The following ADAMTSL1 variants were observed in gnomAD, a reference collection of about 807,000 sequenced individuals.
ADAMTSL1 encodes the protein ADAMTS-like protein 1.
ADAMTSL1 carries 126 observed loss-of-function variants against 201.8 expected under a neutral mutation model. The observed-to-expected ratio is 0.62, with a 90% confidence interval of 0.54 to 0.72. The LOEUF is 0.72. ADAMTSL1 is among the 30% of genes least tolerant of loss of function. ADAMTSL1 has a pLI of 0.00. For missense variants in ADAMTSL1, 2,679 were observed against 2,277.8 expected, an observed-to-expected ratio of 1.18 and a Z score of -3.59; for synonymous variants, 1,121 against 903.4, an observed-to-expected ratio of 1.24 and a Z score of -4.32.
chr9:18,007,595 G>C (rs1421457833), intron 1 of ADAMTSL1, among the ~76,000 whole-genome samples: 1 of 151,952 alleles, frequency 6.6e-6, no homozygotes, highest in Non-Finnish European at 1.5e-5. Context: ...GATTAGATAA[G>C]CCCCAGAGTG....
chr9:18,415,538 A>T (rs1361851930), intron 2 of ADAMTSL1, among the ~76,000 whole-genome samples: 3 of 152,160 alleles, frequency 2.0e-5, no homozygotes, highest in African/African-American at 7.2e-5. Flanking sequence ...AAAAAGACAA[A>T]GTATCAGTCA....
chr9:18,321,811 C>T (rs1834634448), intron 2 of ADAMTSL1, among the ~76,000 whole-genome samples: 1 of 151,764 alleles, frequency 6.6e-6, no homozygotes, highest in Non-Finnish European at 1.5e-5. Context: ...CAAAACAAAA[C>T]AAAACAAAAA....
chr9:18,818,624 T>C (rs566043534), intron 21 of ADAMTSL1, among the ~76,000 whole-genome samples: 69 of 152,090 alleles, frequency 4.5e-4, no homozygotes, highest in Middle Eastern at 3.4e-3. Context: ...AAACCTTGTC[T>C]CTACAAAAAA....
rs1039067152 is a variant in ADAMTSL1 at position 18,209,917 on chromosome 9, T to G, written c.207+45936T>G. ...TGTGTCAGATTATCTAGGCTGAGGA[T>G]CTCAACAATAGATGTGCCTTGCCAG... On this transcript the variant is annotated intron_variant, in intron 2 of 29. Coordinates refer to the ADAMTSL1 transcript ENST00000680146. 4.6e-5 allele frequency among the ~76,000 whole-genome samples: 7 copies of G among 152,252 alleles called. No homozygotes were observed. The South Asian group carries it at 1.5e-3, about 32-fold the overall frequency.
intron 2 of ADAMTSL1, among the ~76,000 whole-genome samples, chr9:18,453,833 T>G (rs1040272404): frequency 6.6e-6 from 1 of 152,190 alleles, no homozygotes; most frequent in Non-Finnish European, 1.5e-5. Context: ...CTCTGTGCTA[T>G]TAGAAGCAGA....
intron 3 of ADAMTSL1, among the ~76,000 whole-genome samples, chr9:18,551,077 G>C (rs1022813815): frequency 1.2e-4 from 18 of 151,978 alleles, no homozygotes; most frequent in East Asian, 3.9e-4. Context: ...TAGGAAAAGA[G>C]AGAAAAGAAT....
intron 2 of ADAMTSL1, among the ~76,000 whole-genome samples, chr9:18,524,348 A>G (rs1818897386): frequency 6.6e-6 from 1 of 152,174 alleles, no homozygotes; most frequent in Non-Finnish European, 1.5e-5. Flanking sequence ...GGGCTGAGAC[A>G]GTGGGGTTTT....
At chr9:18,579,231 A>G (rs1406083176) in intron 4 of ADAMTSL1, among the ~76,000 whole-genome samples, 1 of 150,554 alleles carries the variant, frequency 6.6e-6, no homozygotes, top group Non-Finnish European at 1.5e-5. Flanking sequence ...CATTCTCAGT[A>G]AACTATCGCA....
intron 2 of ADAMTSL1, among the ~76,000 whole-genome samples, chr9:18,200,534 A>G (rs1364657847): frequency 1.3e-5 from 2 of 152,032 alleles, no homozygotes; most frequent in African/African-American, 2.4e-5. Context: ...CTTAGTCTAT[A>G]CTATCATTTA....
chr9:18,888,660 G>A (rs1829052770), intron 24 of ADAMTSL1, among the ~76,000 whole-genome samples: 3 of 152,318 alleles, frequency 2.0e-5, no homozygotes, highest in African/African-American at 7.2e-5. Flanking sequence ...CAATCAGTGG[G>A]AAAGAGGGAA....
rs1414855348 is a variant in ADAMTSL1 at position 18,186,868 on chromosome 9, AACAC to A, written c.207+22893_207+22896del. ...ACACACACACACACACACATGCACAAACACACACAAACGTGAACATATATATTAT... is the reference window on the plus strand; with the variant it reads ...ACACACACACACACACACATGCACAAACACAAACGTGAACATATATATTAT... On this transcript the variant is annotated intron_variant, in intron 2 of 29. Transcript: ENST00000680146. Among the ~76,000 whole-genome samples, 12 of 151,040 alleles carry A rather than the reference AACAC, an allele frequency of 7.9e-5. No homozygotes were observed. In the South Asian group the frequency reaches 2.5e-3, roughly 32 times the overall value.
At position 18,340,914 on chromosome 9, in the gene ADAMTSL1, C is replaced by T. The variant is rs553444999; in HGVS notation, c.208-163915C>T. On this transcript the variant is annotated intron_variant, in intron 2 of 29. Coordinates refer to the ADAMTSL1 transcript ENST00000680146. ...CATGAGAACAGACTAATACAGTCTA[C>T]TTACCTGTCTCTAAAATCTGTTTAT... Among the ~76,000 whole-genome samples the T allele has an allele frequency of 4.7e-4, 71 of 152,210 alleles. No homozygotes were observed. In the South Asian group the frequency reaches 0.013, roughly 29 times the overall value.
intron 4 of ADAMTSL1, among the ~76,000 whole-genome samples, chr9:18,616,232 C>T (rs544832540): frequency 2.4e-4 from 36 of 152,290 alleles, no homozygotes; most frequent in African/African-American, 8.7e-4. Context: ...GCCATACTGG[C>T]CAGGCTGGTC....
At chr9:18,243,101 A>C (rs1831130686) in intron 2 of ADAMTSL1, among the ~76,000 whole-genome samples, 1 of 152,160 alleles carries the variant, frequency 6.6e-6, no homozygotes, top group African/African-American at 2.4e-5. Context: ...AGCTGTAGTA[A>C]TCAAAACAGT....
chr9:17,922,289 GGATTA>G (rs907208009), intron 1 of ADAMTSL1, among the ~76,000 whole-genome samples: 1 of 152,082 alleles, frequency 6.6e-6, no homozygotes, highest in African/African-American at 2.4e-5. Flanking sequence ...CATGACCATA[GGATTA>G]TAAGGCTGGA....
intron 1 of ADAMTSL1, among the ~76,000 whole-genome samples, chr9:18,052,087 A>C (rs1234490951): frequency 6.6e-6 from 1 of 152,376 alleles, no homozygotes; most frequent in Admixed American, 6.5e-5. Context: ...GGCAGAGTGC[A>C]AGTGCAGAAG....
At chr9:18,223,211 T>C (rs918261556) in intron 2 of ADAMTSL1, among the ~76,000 whole-genome samples, 25 of 152,116 alleles carry the variant, frequency 1.6e-4, no homozygotes, top group African/African-American at 4.8e-4. Context: ...AAATCTGAAA[T>C]TTTTTGAGCA....
chr9:17,985,993 A>G (rs887452575), intron 1 of ADAMTSL1, among the ~76,000 whole-genome samples: 1 of 152,136 alleles, frequency 6.6e-6, no homozygotes, highest in African/African-American at 2.4e-5. Flanking sequence ...TCAAGAAACA[A>G]CAAATGGTTT....
intron 23 of ADAMTSL1, among the ~76,000 whole-genome samples, chr9:18,861,705 T>C (rs904136114): frequency 6.6e-6 from 1 of 152,198 alleles, no homozygotes; most frequent in African/African-American, 2.4e-5. Context: ...GACCTATCTA[T>C]TTATGGGTCC....
Sources: gnomAD v4.1 joint callset for allele counts (sites outside exome capture counted in the v4.1 genomes callset) on GRCh38, gnomAD v4.1.1 for gene constraint, MANE v1.5 for transcripts, NCBI Gene and HGNC (gene_info 2026-07-23, HGNC 2026-07-21) for gene names.